Variants in LTA4H observed in about 807,000 individuals in gnomAD.
The protein encoded by LTA4H is leukotriene A-4 hydrolase.
Under a neutral mutation model 89.8 loss-of-function variants are expected in LTA4H, and 59 were observed. That is an observed-to-expected ratio of 0.66 (90% CI 0.53 to 0.82). The LOEUF is 0.82. Ranked by LOEUF, LTA4H falls within the 40% of genes least tolerant of loss-of-function variation. The pLI is 0.00. For synonymous variants in LTA4H, 227 were observed against 253.1 expected, an observed-to-expected ratio of 0.90 and a Z score of 0.98; for missense variants, 617 against 727.0, an observed-to-expected ratio of 0.85 and a Z score of 1.74.
chr12:96,003,341 A>G (rs114398996), intron 17 of LTA4H, among the ~76,000 whole-genome samples: 1,644 of 152,312 alleles, frequency 0.011, 27 homozygotes, highest in African/African-American at 0.037. Flanking sequence ...TATAAATCCA[A>G]TTTCTGAAGG....
intron 14 of LTA4H, chr12:96,011,025 G>A (rs754866205): frequency 2.0e-5 from 3 of 152,052 alleles, no homozygotes; most frequent in South Asian, 2.1e-4. Context: ...CAGAATTCCC[G>A]GGCACACGAA....
At chr12:96,001,898 G>C (rs1322207867) in intron 18 of LTA4H, among the ~76,000 whole-genome samples, 2 of 151,632 alleles carry the variant, frequency 1.3e-5, no homozygotes, top group Non-Finnish European at 2.9e-5. Context: ...ACCCGGGCTG[G>C]AGGAGCTGGA....
Position 96,006,420 on chromosome 12 carries a change from T to C in LTA4H, c.1435-11A>G. 1.3e-6 allele frequency: 2 copies of C among 1,512,086 alleles called. No individual in the cohort carries two copies. The highest frequency in any genetic ancestry group is 1.8e-6 in the Non-Finnish European group (2 of 1,093,468). 93.7% of individuals were successfully genotyped at this position (1,512,086 alleles called of 1,614,324 possible). A position where few individuals can be genotyped will look rare whatever the true frequency, so the allele number is the denominator to read the frequency against. ...ATCATCTTCTTTGGCCTGAAATAAA[T>C]GTTACCTAGTTATTTTTGTTCAAGT... On this transcript the variant is annotated splice_polypyrimidine_tract_variant and intron_variant, in intron 15 of 18. Transcript: ENST00000228740.
In LTA4H at chr12:96,027,473, C is replaced by G. The variant is rs750925645; in HGVS notation, c.382G>C (p.Glu128Gln). The G allele has an allele frequency of 6.2e-7, 1 of 1,609,374 alleles. No individual in the cohort carries two copies. Among genetic ancestry groups the G allele is most frequent in the African/African-American group, 1.3e-5 (1 of 74,726 alleles). Residue 128 changes from glutamate (E) to glutamine (Q), a missense_variant, in exon 3 of 19, where the codon GAA (glutamate) becomes CAA (glutamine). Glu to Gln is a conservative substitution (Grantham distance 29). Coordinates refer to ENST00000228740, the MANE Select transcript of LTA4H (RefSeq NM_000895.3). ...WLTPEQTSGK[E>Q]HPYLFSQCQA... ...CACTGACTAAAGAGATATGGGTGTT[C>G]CTTCCCAGAAGTCTGTTCAGGAGTG...
At chr12:96,004,130 T>G (rs1950156471) in intron 16 of LTA4H, 1 of 357,090 alleles carries the variant, frequency 2.8e-6, no homozygotes, top group Middle Eastern at 7.7e-4. Flanking sequence ...AGCACAGGGA[T>G]AATTTACTTT....
chr12:96,006,261 A>G, intron 16 of LTA4H, 53 bp downstream of exon 16: 1 of 1,128,926 alleles, frequency 8.9e-7, no homozygotes, highest in South Asian at 1.4e-5. Context: ...TAGAACATAA[A>G]TGCTGTGCCT....
chr12:96,022,184 T>C lies in LTA4H; in HGVS notation c.548A>G (p.Glu183Gly). 1 of 1,614,054 alleles carries C rather than the reference T, an allele frequency of 6.2e-7. No homozygotes were observed. Among genetic ancestry groups the C allele is most frequent in the African/African-American group, 1.3e-5 (1 of 75,042 alleles). The change falls in exon 5 of 19, where the codon GAA becomes GGA. Residue 183 changes from glutamate (E) to glycine (G), a missense_variant. Glu to Gly is a moderately conservative substitution (Grantham distance 98, BLOSUM62 -2). This residue lies in a region of LTA4H where 172 missense variants were observed against 244.5 expected (regional missense o/e 0.70). Coordinates refer to ENST00000228740, the MANE Select transcript of LTA4H (RefSeq NM_000895.3). The surrounding 1 kb of genome is among the most constrained non-coding windows in gnomAD (Gnocchi z 4.0). Reference protein sequence around the residue: ...AIRDGETPDPEDPSRKIYKFI... With the variant: ...AIRDGETPDPGDPSRKIYKFI... The stretch of plus-strand genomic sequence containing the variant: ...TTTGTATATTTTCCTGCTTGGGTCT[T>C]CTGGGTCAGGTGTTTCTCCATCACG...
chr12:96,027,989 A>C (rs2136912393), intron 2 of LTA4H: 1 of 152,506 alleles, frequency 6.6e-6, no homozygotes, highest in East Asian at 1.9e-4. Context: ...CCAGGACAAG[A>C]CAAGACCAGA....
chr12:96,031,588 CA>C (rs2136918084), intron 1 of LTA4H, among the ~76,000 whole-genome samples: 1 of 152,168 alleles, frequency 6.6e-6, no homozygotes, highest in East Asian at 1.9e-4. Context: ...CCTCTTTGAA[CA>C]ATACCCTCCA....
At chr12:96,038,283 A>C (rs949125406), upstream of LTA4H, among the ~76,000 whole-genome samples, 1 of 152,234 alleles carries the variant, frequency 6.6e-6, no homozygotes, top group Non-Finnish European at 1.5e-5. Context: ...CCTGCAAGCC[A>C]AAGGAAAACA....
upstream of LTA4H, among the ~76,000 whole-genome samples, chr12:96,035,998 C>T (rs903144907): frequency 5.3e-5 from 8 of 152,156 alleles, no homozygotes; most frequent in Non-Finnish European, 2.9e-5. Flanking sequence ...AAAGGCCTAT[C>T]AGAAGGCTTT....
In LTA4H at chr12:96,006,405, T is replaced by C. The variant is rs1389942662; in HGVS notation, c.1439A>G (p.Lys480Arg). The C allele has an allele frequency of 6.3e-6, 10 of 1,597,412 alleles. No homozygotes were observed. Among genetic ancestry groups the C allele is most frequent in the Admixed American group, 1.7e-5 (1 of 59,592 alleles). The change falls in exon 16 of 19, where the codon AAA becomes AGA. Residue 480 changes from lysine to arginine, a missense_variant. Lys to Arg is a conservative substitution (Grantham distance 26). Transcript: ENST00000228740. Reference protein sequence around the residue: ...IALSQRWITAKEDDLNSFNAT... With the variant: ...IALSQRWITAREDDLNSFNAT... Reference sequence around the variant, plus strand: ...ATTGAATGAATTTAAATCATCTTCTTTGGCCTGAAATAAATGTTACCTAGT... The same window carrying C: ...ATTGAATGAATTTAAATCATCTTCTCTGGCCTGAAATAAATGTTACCTAGT...
intron 8 of LTA4H, 72 bp from the exon 9 acceptor site, chr12:96,017,652 A>C: frequency 9.6e-7 from 1 of 1,046,484 alleles, no homozygotes; most frequent in East Asian, 2.4e-5. Context: ...TGCCTACCTA[A>C]ATACTTAGCA....
intron 16 of LTA4H, among the ~76,000 whole-genome samples, chr12:96,004,853 C>T (rs781374356): frequency 1.8e-4 from 27 of 152,150 alleles, no homozygotes; most frequent in Admixed American, 3.9e-4. Flanking sequence ...TTTTGCTATA[C>T]CCATTCCAGA....
intron 6 of LTA4H, among the ~76,000 whole-genome samples, chr12:96,019,620 C>G (rs1248879003): frequency 1.0e-4 from 13 of 124,146 alleles, no homozygotes; most frequent in Non-Finnish European, 1.4e-4. Context: ...GAGACGGAGT[C>G]TCGCTCTGTC....
chr12:96,002,710 A>G (rs1950124607), intron 18 of LTA4H, among the ~76,000 whole-genome samples: 1 of 152,158 alleles, frequency 6.6e-6, no homozygotes, highest in African/African-American at 2.4e-5. Flanking sequence ...GCTATCTTTG[A>G]TTTATTTCTA....
chr12:96,017,587 A>G lies in LTA4H; in HGVS notation c.853-7T>C. 6.2e-7 allele frequency: 1 copy of G among 1,608,146 alleles called. No individual in the cohort carries two copies. The highest frequency in any genetic ancestry group is 8.5e-7 in the Non-Finnish European group (1 of 1,175,466). ...AGAGTGACTTGTCGCCTGCCTACAA[A>G]AAAAGAAAATTACCTTAGTATTTTA... On this transcript the variant is annotated splice_region_variant and splice_polypyrimidine_tract_variant and intron_variant, in intron 8 of 18. Transcript: ENST00000228740.
intron 3 of LTA4H, among the ~76,000 whole-genome samples, chr12:96,026,124 C>A (rs1950510651): frequency 6.6e-6 from 1 of 152,190 alleles, no homozygotes; most frequent in Non-Finnish European, 1.5e-5. Flanking sequence ...GTAGGACTAG[C>A]AGAGCCACCT....
chr12:96,034,132 T>C (rs910867001), intron 1 of LTA4H, among the ~76,000 whole-genome samples: 3 of 152,172 alleles, frequency 2.0e-5, no homozygotes, highest in Non-Finnish European at 2.9e-5. Flanking sequence ...AAAAGAGGCC[T>C]GAAAGCCACC....
Sources: gnomAD v4.1 joint callset for allele counts (sites outside exome capture counted in the v4.1 genomes callset) on GRCh38, gnomAD v4.1.1 for gene constraint, gnomAD v4.1.1 regional missense constraint, Gnocchi (gnomAD v3.1) non-coding constraint, MANE v1.5 for transcripts, NCBI Gene and HGNC (gene_info 2026-07-23, HGNC 2026-07-21) for gene names.